The following NAALADL2 variants were observed in gnomAD, a reference collection of about 807,000 sequenced individuals.
NAALADL2 encodes the protein inactive N-acetylated-alpha-linked acidic dipeptidase-like protein 2.
In NAALADL2, 76 loss-of-function variants were observed where a neutral mutation model predicts 87.2. The observed-to-expected ratio is 0.87, with a 90% CI of 0.72 to 1.05. The LOEUF (loss-of-function observed/expected upper bound fraction) is 1.05. NAALADL2 is among the 50% of genes least tolerant of loss of function. NAALADL2 has a pLI of 0.00. For synonymous variants in NAALADL2, 354 were observed against 331.0 expected (o/e 1.07, Z -0.75); for missense variants, 1,089 against 945.8 (o/e 1.15, Z -1.99).
At chr3:175,303,446 C>CATTT (rs757554293) in intron 4 of NAALADL2, among the ~76,000 whole-genome samples, 6 of 152,142 alleles carry the variant, frequency 3.9e-5, no homozygotes, top group Non-Finnish European at 5.9e-5. Context: ...ATAGTTTTAA[C>CATTT]AAGGAGTATG....
intron 2 of NAALADL2, among the ~76,000 whole-genome samples, chr3:174,700,424 A>T (rs1729443754): frequency 6.6e-6 from 1 of 152,204 alleles, no homozygotes; most frequent in Non-Finnish European, 1.5e-5. Context: ...GGCAAAAATT[A>T]TCATGGAACT....
At chr3:175,089,605 A>C (rs549033771) in intron 1 of NAALADL2, among the ~76,000 whole-genome samples, 2 of 152,328 alleles carry the variant, frequency 1.3e-5, no homozygotes, top group Admixed American at 1.3e-4. Context: ...GTGAATTAGC[A>C]TATAATTTTG....
chr3:175,254,535 C>G (rs13060477), intron 3 of NAALADL2, among the ~76,000 whole-genome samples: 40,112 of 151,924 alleles, frequency 0.26, 6,559 homozygotes, highest in South Asian at 0.42. Flanking sequence ...TGATCTATAT[C>G]CTCCAAAACA....
Position 174,747,334 on chromosome 3 carries a change from A to G in NAALADL2, c.-9+9588A>G, listed in dbSNP as rs114499035. Reference sequence around the variant, plus strand: ...CAAAAAACATATGAAGAAAAGCTCTATATCAGTGTTCATCAGAGAAATGCA... The same window carrying G: ...CAAAAAACATATGAAGAAAAGCTCTGTATCAGTGTTCATCAGAGAAATGCA... On this transcript the variant is annotated intron_variant, in intron 3 of 3. Coordinates refer to the NAALADL2 transcript ENST00000434257. Among the ~76,000 whole-genome samples, 951 of 152,270 alleles carry G rather than the reference A, an allele frequency of 6.2e-3. 7 individuals are homozygous for G. The highest frequency in any genetic ancestry group is 0.022 in the African/African-American group (897 of 41,556).
At chr3:174,608,154 C>T (rs1299838500) in intron 2 of NAALADL2, among the ~76,000 whole-genome samples, 57 of 151,524 alleles carry the variant, frequency 3.8e-4, no homozygotes, top group African/African-American at 1.2e-3. Flanking sequence ...ATCTCTGGGA[C>T]ACATTCAAAG....
chr3:174,589,392 C>T (rs939411246), intron 2 of NAALADL2, among the ~76,000 whole-genome samples: 5 of 152,144 alleles, frequency 3.3e-5, no homozygotes, highest in Non-Finnish European at 7.3e-5. Context: ...TCTGACAAGC[C>T]CCAGTGAGAC....
At chr3:174,511,771 T>G (rs186460852) in intron 1 of NAALADL2, among the ~76,000 whole-genome samples, 29 of 152,106 alleles carry the variant, frequency 1.9e-4, no homozygotes, top group African/African-American at 3.9e-4. Flanking sequence ...ATGGACATAT[T>G]TTATGATATT....
At chr3:174,443,844 GT>G (rs1714848683) in intron 1 of NAALADL2, among the ~76,000 whole-genome samples, 1 of 145,278 alleles carries the variant, frequency 6.9e-6, no homozygotes, top group Admixed American at 6.8e-5. Context: ...CTGATCAGTT[GT>G]TTTAAAGATG....
intron 1 of NAALADL2, among the ~76,000 whole-genome samples, chr3:174,870,860 G>T (rs1727744040): frequency 6.6e-6 from 1 of 151,998 alleles, no homozygotes; most frequent in South Asian, 2.1e-4. Flanking sequence ...TGATGTATCT[G>T]CTTTTCTATA....
intron 10 of NAALADL2, 61 bp from the exon 11 acceptor site, chr3:175,627,230 A>T: frequency 7.5e-7 from 1 of 1,342,180 alleles, no homozygotes; most frequent in Non-Finnish European, 1.0e-6. Context: ...AAAATCCAAT[A>T]AACACTTGAA....
intron 9 of NAALADL2, among the ~76,000 whole-genome samples, chr3:175,562,089 T>G (rs114098375): frequency 8.7e-4 from 133 of 152,280 alleles, no homozygotes; most frequent in African/African-American, 3.1e-3. Flanking sequence ...CACAGTGATT[T>G]CAGTTCCCGA....
chr3:174,823,680 A>G (rs1294486228), intron 3 of NAALADL2, among the ~76,000 whole-genome samples: 2 of 152,170 alleles, frequency 1.3e-5, no homozygotes, highest in Admixed American at 1.3e-4. Context: ...TATTCTCTGT[A>G]ACATAAGTTA....
At chr3:175,153,403 A>G (rs1261207244) in intron 2 of NAALADL2, among the ~76,000 whole-genome samples, 7 of 152,150 alleles carry the variant, frequency 4.6e-5, no homozygotes, top group African/African-American at 1.4e-4. Context: ...ATTCCATGAA[A>G]GGACACTGCA....
intron 9 of NAALADL2, among the ~76,000 whole-genome samples, chr3:175,521,113 A>C (rs1732592403): frequency 6.6e-6 from 1 of 151,898 alleles, no homozygotes; most frequent in African/African-American, 2.4e-5. Flanking sequence ...AAAATCTGGA[A>C]ACATTATAAA....
chr3:174,578,755 C>T (rs774139291), intron 2 of NAALADL2, among the ~76,000 whole-genome samples: 44 of 151,856 alleles, frequency 2.9e-4, no homozygotes, highest in Admixed American at 2.1e-3. Flanking sequence ...CATATAAAAA[C>T]ATAGGAGGAT....
chr3:175,593,464 C>T (rs1721816357), intron 10 of NAALADL2, among the ~76,000 whole-genome samples: 1 of 152,036 alleles, frequency 6.6e-6, no homozygotes, highest in Non-Finnish European at 1.5e-5. Context: ...GCCTAATTAA[C>T]AGTGTATTCG....
chr3:174,551,908 G>T (rs570865974), intron 2 of NAALADL2, among the ~76,000 whole-genome samples: 2 of 152,226 alleles, frequency 1.3e-5, no homozygotes, highest in East Asian at 3.9e-4. Flanking sequence ...TGGTATCCAC[G>T]GTCCTCGGGT....
At chr3:175,342,505 C>CGTGTGTGTGTGTGTGTGTGT (rs35444340) in intron 5 of NAALADL2, among the ~76,000 whole-genome samples, 30 of 146,620 alleles carry the variant, frequency 2.0e-4, no homozygotes, top group African/African-American at 7.2e-4. Flanking sequence ...CCAAATATTG[C>CGTGTGTGTGTGTGTGTGTGT]GTGTGTGTGT....
At chr3:175,053,075 T>C (rs9827588) in intron 1 of NAALADL2, among the ~76,000 whole-genome samples, 17,694 of 152,270 alleles carry the variant, frequency 0.12, 1,051 homozygotes, top group Middle Eastern at 0.21. Context: ...GTTCATTTTT[T>C]CTGAACAGGT....
Sources: gnomAD v4.1 joint callset for allele counts (sites outside exome capture counted in the v4.1 genomes callset) on GRCh38, gnomAD v4.1.1 for gene constraint, MANE v1.5 for transcripts, NCBI Gene and HGNC (gene_info 2026-07-23, HGNC 2026-07-21) for gene names.